The following CTNS variants were observed in gnomAD, a reference collection of about 807,000 sequenced individuals.
CTNS encodes cystinosin, lysosomal cystine transporter, also known as cystinosin.
CTNS carries 27 observed loss-of-function variants against 43.7 expected under a neutral mutation model. The ratio of observed to expected loss-of-function variants is 0.62; its 90% CI spans 0.46 to 0.85. CTNS has a LOEUF of 0.85. CTNS is among the 40% of genes least tolerant of loss of function. The pLI, the probability that CTNS is intolerant of heterozygous loss-of-function variation, is 0.00. For missense variants in CTNS, 457 were observed against 475.4 expected, an observed-to-expected ratio of 0.96 and a Z score of 0.36; for synonymous variants, 187 against 190.6, an observed-to-expected ratio of 0.98 and a Z score of 0.16.
intron 3 of CTNS, among the ~76,000 whole-genome samples, chr17:3,644,565 A>G (rs1274837509): frequency 1.3e-5 from 2 of 152,200 alleles, no homozygotes; most frequent in African/African-American, 4.8e-5. Context: ...CCTGGGTTCA[A>G]GTGATTCTCT....
rs144533191 is a variant in CTNS at position 3,647,226 on chromosome 17, G to A, written c.62-218G>A. Reference sequence around the variant, plus strand: ...CATCGCAGCGGGAGGAGGACGCTCCGGCGTTTCCTGCTCAGGCCTGTTTTC... The same window carrying A: ...CATCGCAGCGGGAGGAGGACGCTCCAGCGTTTCCTGCTCAGGCCTGTTTTC... On this transcript the variant is annotated intron_variant, in intron 3 of 11. Coordinates refer to ENST00000046640, the MANE Select transcript of CTNS (RefSeq NM_004937.3). Among the ~76,000 whole-genome samples the A allele has an allele frequency of 1.1e-3, 166 of 152,286 alleles. 2 individuals carry two copies. The highest frequency in any genetic ancestry group is 3.4e-3 in the Middle Eastern group (1 of 294).
intron 6 of CTNS, 47 bp downstream of exon 6, chr17:3,655,148 C>T: frequency 6.2e-7 from 1 of 1,613,910 alleles, no homozygotes; most frequent in Non-Finnish European, 8.5e-7. Flanking sequence ...AAGAAGGGGG[C>T]CGTGCTGGGC....
chr17:3,660,030 C>T (rs950325504), intron 11 of CTNS, 55 bp downstream of exon 11: 32 of 1,533,510 alleles, frequency 2.1e-5, no homozygotes, highest in Non-Finnish European at 2.8e-5. Context: ...CGGGCGGGGC[C>T]AGCCTTCCCG....
At chr17:3,641,376 ATATATATATTTTTTTTTT>A (rs2075695032) in intron 3 of CTNS, among the ~76,000 whole-genome samples, 1 of 38,500 alleles carries the variant, frequency 2.6e-5, no homozygotes, top group Admixed American at 3.3e-4. Flanking sequence ...ATATATATAT[ATATATATATTTTTTTTTT>A]TTTTTTTTTT....
chr17:3,636,561 G>T (rs2075534387), upstream of CTNS: 1 of 274,468 alleles, frequency 3.6e-6, no homozygotes, highest in East Asian at 6.8e-5. Context: ...CCTGGCAGCG[G>T]ACCTCATCTT....
At chr17:3,651,111 T>C (rs2075971035) in intron 5 of CTNS, among the ~76,000 whole-genome samples, 1 of 151,494 alleles carries the variant, frequency 6.6e-6, no homozygotes, top group South Asian at 2.1e-4. Context: ...CATTGATTGA[T>C]TGAGACAGAG....
chr17:3,654,815 C>T (rs887543406), intron 5 of CTNS, among the ~76,000 whole-genome samples, 183 bp from the exon 6 acceptor site: 5 of 152,048 alleles, frequency 3.3e-5, no homozygotes, highest in Admixed American at 2.0e-4. Context: ...GGCAGCATGG[C>T]GAACAGGAGG....
Position 3,660,423 on chromosome 17 carries a change from C to T in CTNS, c.*54C>T. ...TGGCCTCGTGCCCTGCTGGGGAAGG[C>T]CTCACCCAGCGAAGGCCGGAGAAGC... On this transcript the variant is annotated 3_prime_UTR_variant, in exon 12 of 12. Coordinates refer to ENST00000046640, the MANE Select transcript of CTNS (RefSeq NM_004937.3). The T allele has an allele frequency of 6.2e-7, 1 of 1,613,890 alleles. No homozygotes were observed. The highest frequency in any genetic ancestry group is 1.1e-5 in the South Asian group (1 of 91,044).
chr17:3,647,313 C>A, intron 3 of CTNS, 131 bp from the exon 4 acceptor site: 1 of 779,642 alleles, frequency 1.3e-6, no homozygotes, highest in Non-Finnish European at 2.2e-6. Flanking sequence ...TGTTTGCAGT[C>A]CCATCACAGA....
Position 3,656,742 on chromosome 17 carries a change from C to T in CTNS, c.628C>T (p.Leu210=), listed in dbSNP as rs531995684. 22 of 1,613,570 alleles carry T rather than the reference C, an allele frequency of 1.4e-5. No individual in the cohort carries two copies. In the Admixed American group the frequency reaches 2.3e-4, roughly 17 times the overall value. Residue 210 remains leucine, a synonymous_variant, in exon 9 of 12, where the codon CTG becomes TTG. Coordinates refer to ENST00000046640, the MANE Select transcript of CTNS (RefSeq NM_004937.3). ...PVNSNDVFFS[L]HAVVLTLIII... is the part of the protein sequence containing the mutation. Reference sequence around the variant, plus strand: ...GAACAGCAACGACGTCTTCTTCAGCCTGCACGCGGTTGTCCTCACGCTGAT... The same window carrying T: ...GAACAGCAACGACGTCTTCTTCAGCTTGCACGCGGTTGTCCTCACGCTGAT...
chr17:3,649,032 C>A, intron 5 of CTNS, 101 bp downstream of exon 5: 2 of 955,824 alleles, frequency 2.1e-6, no homozygotes, highest in South Asian at 1.3e-5. Flanking sequence ...GGCCCCTGTT[C>A]CATCAACCTA....
At chr17:3,652,902 G>A (rs549990932) in intron 5 of CTNS, among the ~76,000 whole-genome samples, 1 of 152,306 alleles carries the variant, frequency 6.6e-6, no homozygotes. Flanking sequence ...TACCATTTCA[G>A]TTGTCCTGCC....
At chr17:3,657,717 AAGC>A in intron 9 of CTNS, 1 of 511,494 alleles carries the variant, frequency 2.0e-6, no homozygotes, top group Non-Finnish European at 3.6e-6. Flanking sequence ...AGTAGGAACA[AAGC>A]AGACAGAGCT....
chr17:3,660,391 C>CA lies in CTNS; in HGVS notation c.*23dup. 1 of 1,614,144 alleles carries CA rather than the reference C, an allele frequency of 6.2e-7. No homozygotes were observed. Among genetic ancestry groups the CA allele is most frequent in the Non-Finnish European group, 8.5e-7 (1 of 1,180,048 alleles). On this transcript the variant is annotated 3_prime_UTR_variant, in exon 12 of 12. Transcript: ENST00000046640. The stretch of plus-strand genomic sequence containing the variant: ...CTAGCACCCAGGGACCCAGTGTACC[C>CA]AGCCTCTGGCCTCGTGCCCTGCTGG...
Position 3,660,320 on chromosome 17 carries a change from AG to A in CTNS, c.1056del (p.Gln352HisfsTer15). 6.2e-7 allele frequency: 1 copy of A among 1,614,234 alleles called. No homozygotes were observed. The highest frequency in any genetic ancestry group is 2.2e-5 in the East Asian group (1 of 44,886). The part of the protein sequence containing the change: ...SIVFDVVFFI[Q>X]HFCLYRKRPG... ...GTCTTCGACGTCGTCTTCTTCATCC[AG>A]CACTTCTGTTTGTACAGAAAGAGAC... On this transcript the variant is annotated frameshift_variant, in exon 12 of 12. Coordinates refer to ENST00000046640, the MANE Select transcript of CTNS (RefSeq NM_004937.3). LOFTEE classifies it high-confidence loss of function.
Position 3,658,024 on chromosome 17 carries a change from C to T in CTNS, c.701C>T (p.Ser234Phe), listed in dbSNP as rs749077926. The change falls in exon 10 of 12, where the codon TCC (serine) becomes TTC (phenylalanine). Residue 234 changes from serine to phenylalanine, a missense_variant. Coordinates refer to ENST00000046640, the MANE Select transcript of CTNS (RefSeq NM_004937.3). ...CCCCAGCGCGGTGGCCAGCGCGTGT[C>T]CTGGCCTGCCATCGGCTTCCTGGTG... ...CLYERGGQRV[S>F]WPAIGFLVLA... The T allele has an allele frequency of 1.9e-6, 3 of 1,610,938 alleles. No individual in the cohort carries two copies. In the East Asian group the frequency reaches 6.7e-5, roughly 36 times the overall value.
intron 3 of CTNS, among the ~76,000 whole-genome samples, chr17:3,642,142 C>CGTGTGT (rs75793503): frequency 0.037 from 5,416 of 146,300 alleles, 173 homozygotes; most frequent in African/African-American, 0.087. Flanking sequence ...TGTGCCCGGG[C>CGTGTGT]GTGTGTGTGT....
Position 3,660,870 on chromosome 17 carries a change from CT to C in CTNS, c.*504del, listed in dbSNP as rs2076265852. 1 of 1,372,004 alleles carries C rather than the reference CT, an allele frequency of 7.3e-7. No individual in the cohort carries two copies. Among genetic ancestry groups the C allele is most frequent in the Non-Finnish European group, 1.0e-6 (1 of 996,252 alleles). 85.0% of individuals were successfully genotyped at this position (1,372,004 alleles called of 1,614,324 possible). A position where few individuals can be genotyped will look rare whatever the true frequency, so the allele number is the denominator to read the frequency against. ...GACTTTGGGGTTAGGCCATGGGGCT[CT>C]TTCTCTGAAGGCCACTTTCCTGACG... On this transcript the variant is annotated 3_prime_UTR_variant, in exon 12 of 12. Transcript: ENST00000046640.
chr17:3,642,771 T>C (rs1479895755), intron 3 of CTNS, among the ~76,000 whole-genome samples: 1 of 152,190 alleles, frequency 6.6e-6, no homozygotes, highest in Non-Finnish European at 1.5e-5. Flanking sequence ...CTGCCCTTGC[T>C]GTTTCTTTCT....
Sources: gnomAD v4.1 joint callset for allele counts (sites outside exome capture counted in the v4.1 genomes callset) on GRCh38, gnomAD v4.1.1 for gene constraint, MANE v1.5 for transcripts, NCBI Gene and HGNC (gene_info 2026-07-23, HGNC 2026-07-21) for gene names.